Variants in LRP4 observed in about 807,000 individuals in gnomAD.
The protein encoded by LRP4 is LDL receptor related protein 4, also known as low-density lipoprotein receptor-related protein 4.
Under a neutral mutation model 220.3 loss-of-function variants are expected in LRP4, and 95 were observed. The ratio of observed to expected loss-of-function variants is 0.43; its 90% CI spans 0.37 to 0.51. LRP4 has a LOEUF of 0.51. Ranked by LOEUF, LRP4 falls within the 20% of genes least tolerant of loss-of-function variation. The pLI, the probability that LRP4 is intolerant of heterozygous loss-of-function variation, is 0.00. For synonymous variants in LRP4, 903 were observed against 954.6 expected, an observed-to-expected ratio of 0.95 and a Z score of 1.00; for missense variants, 1,925 against 2,567.0, an observed-to-expected ratio of 0.75 and a Z score of 5.40.
intron 34 of LRP4, among the ~76,000 whole-genome samples, chr11:46,867,649 C>T (rs564030565): frequency 4.5e-4 from 69 of 152,132 alleles, no homozygotes; most frequent in South Asian, 1.9e-3. Context: ...TTAGTGGAAA[C>T]GGGGTTTCTC....
At chr11:46,902,643 C>A in intron 2 of LRP4, 140 bp downstream of exon 2, 2 of 950,556 alleles carry the variant, frequency 2.1e-6, no homozygotes, top group Non-Finnish European at 3.3e-6. Flanking sequence ...ACCCAAATGT[C>A]AATATCTATC....
chr11:46,887,973 C>A (rs11039018), intron 16 of LRP4, among the ~76,000 whole-genome samples: 110,992 of 142,642 alleles, frequency 0.78, 43,875 homozygotes, highest in Middle Eastern at 0.86. Flanking sequence ...ACTGTTTACA[C>A]CACTGCACTC....
chr11:46,857,618 C>T lies in LRP4; in HGVS notation c.*1365G>A, dbSNP rs1940412952. 6.6e-6 allele frequency: 1 copy of T among 151,910 alleles called. No individual in the cohort carries two copies. The highest frequency in any genetic ancestry group is 2.4e-5 in the African/African-American group (1 of 41,184). 9.4% of individuals were successfully genotyped at this position (151,910 alleles called of 1,614,324 possible). On this transcript the variant is annotated 3_prime_UTR_variant, in exon 38 of 38. Transcript: ENST00000378623. ...GATTGCTGGTGCCACAAGGCTTGGT[C>T]AGAAAAAGCAAATTAGGCAAAAAAA...
chr11:46,873,813 G>T lies in LRP4; in HGVS notation c.4230-220C>A. The T allele has an allele frequency of 1.8e-6, 1 of 543,436 alleles. No homozygotes were observed. Among genetic ancestry groups the T allele is most frequent in the Non-Finnish European group, 3.2e-6 (1 of 308,296 alleles). The allele number at this position is 543,436 out of a possible 1,614,324, so 33.7% of individuals were successfully genotyped here. On this transcript the variant is annotated intron_variant, in intron 28 of 37. Transcript: ENST00000378623. The surrounding 1 kb of genome is among the most constrained non-coding windows in gnomAD (Gnocchi z 4.2). Reference sequence around the variant, plus strand: ...TTCTTAGGAGGACACAGTATTTCCTGCTAACTGGACATAGTGGCGGTTGCC... The same window carrying T: ...TTCTTAGGAGGACACAGTATTTCCTTCTAACTGGACATAGTGGCGGTTGCC...
chr11:46,877,431 G>A, intron 22 of LRP4, 92 bp from the exon 23 acceptor site: 3 of 1,322,344 alleles, frequency 2.3e-6, no homozygotes, highest in South Asian at 2.4e-5. Flanking sequence ...CCCTGTCCCT[G>A]CTAGTTTCTA....
intron 18 of LRP4, 60 bp from the exon 19 acceptor site, chr11:46,884,036 A>G (rs890469233): frequency 4.4e-6 from 6 of 1,355,008 alleles, no homozygotes; most frequent in African/African-American, 1.4e-5. Context: ...CTTACCTTCC[A>G]TGGCCAACAC....
At position 46,890,372 on chromosome 11, in the gene LRP4, T is replaced by C; in HGVS notation, c.1820A>G (p.Tyr607Cys). ...LFWPNGLTID[Y>C]AGRRMYWVDA... ...CACCCAGTACATACGGCGCCCGGCA[T>C]AGTCGATGGTGAGGCCATTGGGCCA... The change falls in exon 14 of 38, where the codon TAT becomes TGT. Residue 607 changes from tyrosine to cysteine, a missense_variant. Tyr to Cys is a radical substitution (Grantham distance 194). Coordinates refer to ENST00000378623, the MANE Select transcript of LRP4 (RefSeq NM_002334.4). The surrounding 1 kb of genome is among the most constrained non-coding windows in gnomAD (Gnocchi z 5.3). The C allele has an allele frequency of 6.2e-7, 1 of 1,614,136 alleles. No homozygotes were observed. The highest frequency in any genetic ancestry group is 8.5e-7 in the Non-Finnish European group (1 of 1,180,028).
rs1438305487 is a variant in LRP4 at position 46,899,844 on chromosome 11, C to T, written c.430+19G>A. 6.2e-7 allele frequency: 1 copy of T among 1,609,698 alleles called. No homozygotes were observed. Among genetic ancestry groups the T allele is most frequent in the Non-Finnish European group, 8.5e-7 (1 of 1,176,656 alleles). ...CCCACTGGCCACCTTGCCTGCCTTCCCCCGTTGGGGTCACCCACCACACTG... is the reference window on the plus strand; with the variant it reads ...CCCACTGGCCACCTTGCCTGCCTTCTCCCGTTGGGGTCACCCACCACACTG... On this transcript the variant is annotated intron_variant, in intron 4 of 37. Coordinates refer to ENST00000378623, the MANE Select transcript of LRP4 (RefSeq NM_002334.4). This position sits in a 1 kb window ranked among gnomAD's most constrained non-coding sequence, Gnocchi z 5.9.
intron 32 of LRP4, 50 bp downstream of exon 32, chr11:46,868,938 G>T: frequency 6.2e-7 from 1 of 1,612,986 alleles, no homozygotes; most frequent in South Asian, 1.1e-5. Flanking sequence ...TGGGTTGACC[G>T]ACCAATCCCA....
intron 1 of LRP4, among the ~76,000 whole-genome samples, chr11:46,907,292 A>G (rs1941777273): frequency 6.6e-6 from 1 of 152,230 alleles, no homozygotes; most frequent in Non-Finnish European, 1.5e-5. Context: ...TCTGTCCGCA[A>G]GGTATCTTTG....
At position 46,881,746 on chromosome 11, in the gene LRP4, T is replaced by G; in HGVS notation, c.2770A>C (p.Met924Leu). 1 of 1,614,016 alleles carries G rather than the reference T, an allele frequency of 6.2e-7. No individual in the cohort carries two copies. Among genetic ancestry groups the G allele is most frequent in the South Asian group, 1.1e-5 (1 of 90,960 alleles). The change falls in exon 20 of 38, where the codon ATG becomes CTG. Residue 924 changes from methionine to leucine, a missense_variant. By Grantham distance (15) the Met-to-Leu change is conservative. Around this residue, in one of 3 missense-constraint regions of LRP4, gnomAD observed 1,244 missense variants for 1,624.9 expected, o/e 0.77. Transcript: ENST00000378623. ...SQRLYWADAGMKTIEFAGLDG... is the reference protein window; with the variant it reads ...SQRLYWADAGLKTIEFAGLDG... ...AGTCCAGCAAATTCAATTGTCTTCA[T>G]GCCGGCGTCAGCCCAGTATAGACGC...
intron 18 of LRP4, among the ~76,000 whole-genome samples, chr11:46,884,206 C>T (rs192689825): frequency 1.3e-5 from 2 of 152,318 alleles, no homozygotes; most frequent in East Asian, 3.9e-4. Context: ...ACATAGGCAA[C>T]CATAATTTAA....
chr11:46,897,384 T>A (rs1402345001), intron 7 of LRP4, among the ~76,000 whole-genome samples: 11 of 148,372 alleles, frequency 7.4e-5, no homozygotes, highest in Non-Finnish European at 4.5e-5. Context: ...TTTTATTTTT[T>A]AATTTTTTTA....
chr11:46,861,788 G>T (rs1319772819), intron 37 of LRP4, among the ~76,000 whole-genome samples: 1 of 152,042 alleles, frequency 6.6e-6, no homozygotes, highest in Non-Finnish European at 1.5e-5. Flanking sequence ...ACAAAAGCAG[G>T]CTGGGCGCAG....
At chr11:46,861,743 T>C (rs1310054235) in intron 37 of LRP4, among the ~76,000 whole-genome samples, 2 of 151,832 alleles carry the variant, frequency 1.3e-5, no homozygotes, top group African/African-American at 4.8e-5. Flanking sequence ...TAATTTTCCA[T>C]TGAAGTGACA....
At position 46,890,333 on chromosome 11, in the gene LRP4, TG is replaced by T; in HGVS notation, c.1858del (p.His620MetfsTer191). Reference sequence around the variant, plus strand: ...ATCCAGATTGGCCCTCTCGATGACATGGTGCTTAGCATCCACCCAGTACATA... The same window carrying T: ...ATCCAGATTGGCCCTCTCGATGACATGTGCTTAGCATCCACCCAGTACATA... ...RRMYWVDAKH[H>X]VIERANLDGS... On this transcript the variant is annotated frameshift_variant, in exon 14 of 38. Coordinates refer to ENST00000378623, the MANE Select transcript of LRP4 (RefSeq NM_002334.4). LOFTEE classifies it high-confidence loss of function. This position sits in a 1 kb window ranked among gnomAD's most constrained non-coding sequence, Gnocchi z 5.3. 6.2e-7 allele frequency: 1 copy of T among 1,614,178 alleles called. No individual in the cohort carries two copies. The highest frequency in any genetic ancestry group is 8.5e-7 in the Non-Finnish European group (1 of 1,180,024).
intron 19 of LRP4, among the ~76,000 whole-genome samples, chr11:46,882,578 G>A (rs1260422454): frequency 1.3e-5 from 2 of 152,110 alleles, no homozygotes; most frequent in South Asian, 2.1e-4. Context: ...TAGGCCAGGT[G>A]CAGTGGCTCA....
chr11:46,878,196 A>G (rs1467810563), intron 22 of LRP4, among the ~76,000 whole-genome samples: 21 of 151,998 alleles, frequency 1.4e-4, no homozygotes, highest in Non-Finnish European at 2.9e-5. Flanking sequence ...TGGCACATCT[A>G]AGGAGGAGGG....
chr11:46,880,211 TGGCGCAC>T (rs1941119529), intron 20 of LRP4, among the ~76,000 whole-genome samples: 1 of 149,042 alleles, frequency 6.7e-6, no homozygotes, highest in Admixed American at 6.9e-5. Context: ...TTGGGCCCGG[TGGCGCAC>T]AGCTCCAGCT....
Sources: allele counts gnomAD v4.1 joint callset (sites outside exome capture counted in the v4.1 genomes callset), GRCh38; gene constraint gnomAD v4.1.1; regional missense constraint gnomAD v4.1.1; non-coding constraint Gnocchi (gnomAD v3.1); transcripts MANE v1.5; gene names NCBI Gene and HGNC (gene_info 2026-07-23, HGNC 2026-07-21).